Variants in CTNNBL1 observed in about 807,000 individuals in gnomAD.
CTNNBL1 encodes catenin beta like 1, also known as beta-catenin-like protein 1.
A neutral mutation model predicts 72.7 loss-of-function variants in CTNNBL1; 31 were observed. The observed-to-expected ratio is 0.43, with a 90% CI of 0.32 to 0.58. The LOEUF is 0.58. Among genes scored for constraint, CTNNBL1 ranks in the 20% least tolerant of loss-of-function variants. The probability of loss-of-function intolerance (pLI) is 0.08; values close to 1 mark genes in which losing one functional copy is unlikely to be tolerated. For missense variants in CTNNBL1, 534 were observed against 725.1 expected (o/e 0.74, Z 3.03); for synonymous variants, 240 against 267.3 (o/e 0.90, Z 1.00).
At position 37,844,706 on chromosome 20, in the gene CTNNBL1, G is replaced by A. The variant is rs115099147; in HGVS notation, c.1392+2287G>A. Among the ~76,000 whole-genome samples the A allele has an allele frequency of 7.3e-3, 1,110 of 152,266 alleles. 9 individuals are homozygous for A. Among genetic ancestry groups the A allele is most frequent in the African/African-American group, 0.026 (1,060 of 41,548 alleles). On this transcript the variant is annotated intron_variant, in intron 13 of 15. Transcript: ENST00000361383. ...TTTTTAGGGTAGGCCAAAAATTTTG[G>A]GAGGCCAAGGCGGGCAGATCACTTG...
intron 13 of CTNNBL1, among the ~76,000 whole-genome samples, chr20:37,854,299 G>A (rs2072420128): frequency 6.6e-6 from 1 of 152,056 alleles, no homozygotes; most frequent in Non-Finnish European, 1.5e-5. Flanking sequence ...ATCACCAGGG[G>A]TACTTCTGAC....
At chr20:37,810,320 A>T (rs1470726665) in intron 11 of CTNNBL1, among the ~76,000 whole-genome samples, 2 of 152,232 alleles carry the variant, frequency 1.3e-5, no homozygotes. Flanking sequence ...AACACAAGAG[A>T]CAGCCTTGCT....
intron 13 of CTNNBL1, among the ~76,000 whole-genome samples, chr20:37,844,754 C>T (rs2072332996): frequency 6.6e-6 from 1 of 152,252 alleles, no homozygotes; most frequent in East Asian, 1.9e-4. Context: ...TGAGACCAGC[C>T]TGGCCGACAA....
chr20:37,793,169 G>A (rs907011444), intron 10 of CTNNBL1, among the ~76,000 whole-genome samples: 2 of 152,112 alleles, frequency 1.3e-5, no homozygotes, highest in Non-Finnish European at 2.9e-5. Context: ...TGTTCAAATC[G>A]TCTATATTTG....
At chr20:37,824,680 T>C (rs1219694508) in intron 11 of CTNNBL1, among the ~76,000 whole-genome samples, 1 of 152,218 alleles carries the variant, frequency 6.6e-6, no homozygotes, top group Non-Finnish European at 1.5e-5. Context: ...CGTGGTGTCA[T>C]TGGGAGCCCA....
intron 1 of CTNNBL1, among the ~76,000 whole-genome samples, chr20:37,701,760 C>T (rs889217357): frequency 6.6e-6 from 1 of 151,512 alleles, no homozygotes; most frequent in Admixed American, 6.6e-5. Flanking sequence ...AGGGAGTGGT[C>T]GGAGACGATG....
intron 13 of CTNNBL1, among the ~76,000 whole-genome samples, chr20:37,855,359 A>AC (rs925849847): frequency 3.3e-5 from 5 of 151,904 alleles, no homozygotes; most frequent in African/African-American, 1.2e-4. Flanking sequence ...TTCCCACAGC[A>AC]CTCAGTACAG....
intron 1 of CTNNBL1, among the ~76,000 whole-genome samples, chr20:37,729,246 G>T (rs57842573): frequency 6.6e-6 from 1 of 152,174 alleles, no homozygotes; most frequent in African/African-American, 2.4e-5. Flanking sequence ...GAAGGGACCA[G>T]GTTGTCTTTG....
At chr20:37,823,432 A>T (rs931246128) in intron 11 of CTNNBL1, among the ~76,000 whole-genome samples, 16 of 152,328 alleles carry the variant, frequency 1.1e-4, no homozygotes, top group Middle Eastern at 6.8e-3. Flanking sequence ...AATCAGCTGA[A>T]GCCCTGGAGC....
intron 10 of CTNNBL1, among the ~76,000 whole-genome samples, chr20:37,798,204 C>A (rs1481319361): frequency 6.6e-6 from 1 of 152,130 alleles, no homozygotes; most frequent in East Asian, 1.9e-4. Flanking sequence ...GATGAGGGAA[C>A]AAATGAACAA....
chr20:37,755,037 C>A (rs1047417688), intron 4 of CTNNBL1, among the ~76,000 whole-genome samples: 9 of 152,114 alleles, frequency 5.9e-5, no homozygotes, highest in African/African-American at 1.9e-4. Context: ...GAACTCCTGA[C>A]CTCAAGTAAT....
chr20:37,770,162 A>C (rs962467859), intron 7 of CTNNBL1, among the ~76,000 whole-genome samples: 4 of 152,194 alleles, frequency 2.6e-5, no homozygotes, highest in Non-Finnish European at 5.9e-5. Context: ...TGTCATTTGC[A>C]ACTTCCTTTT....
At chr20:37,798,572 G>A (rs1321453703) in intron 10 of CTNNBL1, among the ~76,000 whole-genome samples, 9 of 152,164 alleles carry the variant, frequency 5.9e-5, no homozygotes, top group Non-Finnish European at 2.9e-5. Context: ...ATATTCCAAA[G>A]TTCACCTCCA....
intron 15 of CTNNBL1, among the ~76,000 whole-genome samples, chr20:37,865,598 G>A (rs2072530705): frequency 6.6e-6 from 1 of 152,142 alleles, no homozygotes; most frequent in South Asian, 2.1e-4. Context: ...GCTACGCATG[G>A]GCATTGTTGA....
chr20:37,748,768 A>T (rs887605988), intron 4 of CTNNBL1, among the ~76,000 whole-genome samples: 6 of 152,162 alleles, frequency 3.9e-5, no homozygotes, highest in Non-Finnish European at 7.4e-5. Context: ...TGGTGGAAGG[A>T]GTGAGGGAGC....
chr20:37,710,640 G>C (rs943523564), intron 1 of CTNNBL1, among the ~76,000 whole-genome samples: 1 of 152,138 alleles, frequency 6.6e-6, no homozygotes. Flanking sequence ...AGTCTTTCAA[G>C]TGAAACTACC....
Position 37,840,157 on chromosome 20 carries a change from G to A in CTNNBL1, c.1269G>A (p.Arg423=), listed in dbSNP as rs747171657. 3.1e-6 allele frequency: 5 copies of A among 1,613,802 alleles called. No homozygotes were observed. In the African/African-American group the frequency reaches 6.7e-5, roughly 22 times the overall value. Residue 423 remains arginine (R), a synonymous_variant, in exon 12 of 16, where the codon CGG becomes CGA. Transcript: ENST00000361383. ...SLLRNLRGQQ[R]TRLLNKFTEN... Reference sequence around the variant, plus strand: ...TGCGGAACCTGAGAGGGCAGCAGCGGACCCGGCTTCTGAATAAATTCACTG... The same window carrying A: ...TGCGGAACCTGAGAGGGCAGCAGCGAACCCGGCTTCTGAATAAATTCACTG...
intron 1 of CTNNBL1, among the ~76,000 whole-genome samples, 191 bp downstream of exon 1, chr20:37,694,343 C>A (rs2072770093): frequency 6.6e-6 from 1 of 152,190 alleles, no homozygotes; most frequent in African/African-American, 2.4e-5. Flanking sequence ...TTCATCCCTT[C>A]TCAAGACCTG....
chr20:37,757,623 T>A lies in CTNNBL1; in HGVS notation c.531T>A (p.Ser177Arg). Residue 177 changes from serine (S) to arginine (R), a missense_variant, in exon 5 of 16, where the codon AGT (serine) becomes AGA (arginine). Physicochemically the swap from Ser to Arg is moderately radical, Grantham distance 110. Transcript: ENST00000361383. ...ELTDIDTLHE[S>R]EEGAEVLIDA... ...CAGATATAGACACCCTCCATGAGAG[T>A]GAAGAGGGAGCAGAAGTGCTCATCG... The A allele has an allele frequency of 6.2e-7, 1 of 1,613,560 alleles. No individual in the cohort carries two copies. Among genetic ancestry groups the A allele is most frequent in the South Asian group, 1.1e-5 (1 of 91,034 alleles).
Sources: gnomAD v4.1 joint callset for allele counts (sites outside exome capture counted in the v4.1 genomes callset) on GRCh38, gnomAD v4.1.1 for gene constraint, MANE v1.5 for transcripts, NCBI Gene and HGNC (gene_info 2026-07-23, HGNC 2026-07-21) for gene names.